Variants in VPS13B observed in about 807,000 individuals in gnomAD.
The protein encoded by VPS13B is intermembrane lipid transfer protein VPS13B.
VPS13B carries 285 observed loss-of-function variants against 426.4 expected under a neutral mutation model. The ratio of observed to expected loss-of-function variants is 0.67; its 90% CI spans 0.61 to 0.74. VPS13B has a LOEUF of 0.74. Ranked by LOEUF, VPS13B falls within the 30% of genes least tolerant of loss-of-function variation. The probability of loss-of-function intolerance (pLI) is 0.00; values close to 1 mark genes in which losing one functional copy is unlikely to be tolerated. For synonymous variants in VPS13B, 1,676 were observed against 1,676.4 expected, an observed-to-expected ratio of 1.00 and a Z score of 0.01; for missense variants, 4,537 against 4,782.6, an observed-to-expected ratio of 0.95 and a Z score of 1.51.
intron 16 of VPS13B, among the ~76,000 whole-genome samples, chr8:99,187,654 T>C (rs1344332820): frequency 6.6e-6 from 1 of 152,122 alleles, no homozygotes; most frequent in Non-Finnish European, 1.5e-5. Context: ...GTGTATTTGA[T>C]TGATCTTACA....
intron 3 of VPS13B, among the ~76,000 whole-genome samples, chr8:99,091,147 A>C (rs1563534421): frequency 6.6e-6 from 1 of 152,132 alleles, no homozygotes; most frequent in East Asian, 1.9e-4. Flanking sequence ...GTGGGTGAAA[A>C]GAAGGCAGAG....
At chr8:99,607,719 G>C (rs982975303) in intron 33 of VPS13B, among the ~76,000 whole-genome samples, 1 of 151,904 alleles carries the variant, frequency 6.6e-6, no homozygotes, top group African/African-American at 2.4e-5. Context: ...TTATTTATGT[G>C]GGTTGGCTAT....
chr8:99,123,895 T>G (rs1432794364), intron 8 of VPS13B, among the ~76,000 whole-genome samples: 2 of 152,212 alleles, frequency 1.3e-5, no homozygotes, highest in African/African-American at 4.8e-5. Flanking sequence ...TTAAGATGCC[T>G]GCTGTATATT....
chr8:99,379,364 G>A (rs1813670834), intron 19 of VPS13B, among the ~76,000 whole-genome samples: 1 of 152,084 alleles, frequency 6.6e-6, no homozygotes, highest in Non-Finnish European at 1.5e-5. Context: ...GGATGGGCGG[G>A]GGGGCAACAG....
At chr8:99,848,622 C>CA (rs1404236762) in intron 54 of VPS13B, among the ~76,000 whole-genome samples, 154 bp from the exon 55 acceptor site, 1 of 151,808 alleles carries the variant, frequency 6.6e-6, no homozygotes, top group Non-Finnish European at 1.5e-5. Context: ...TTTTTCATTT[C>CA]AAGTCAACTG....
chr8:99,270,174 C>T (rs1376733591), intron 17 of VPS13B, among the ~76,000 whole-genome samples: 5 of 34,064 alleles, frequency 1.5e-4, no homozygotes, highest in East Asian at 9.3e-4. Context: ...GAGTCTTGCT[C>T]GTTGCCCAGA....
intron 56 of VPS13B, 50 bp from the exon 57 acceptor site, chr8:99,859,254 A>C (rs1294698361): frequency 6.2e-7 from 1 of 1,610,092 alleles, no homozygotes; most frequent in Non-Finnish European, 8.5e-7. Flanking sequence ...CAAATGTTGA[A>C]AGTTCTGCAT....
intron 35 of VPS13B, chr8:99,696,583 A>G (rs1361466553): frequency 1.8e-6 from 1 of 566,798 alleles, no homozygotes; most frequent in African/African-American, 1.9e-5. Flanking sequence ...TCCACGTTTG[A>G]GACCCAGTCC....
intron 39 of VPS13B, among the ~76,000 whole-genome samples, chr8:99,729,993 A>G (rs117810048): frequency 0.033 from 4,996 of 152,320 alleles, 119 homozygotes; most frequent in Non-Finnish European, 0.048. Flanking sequence ...AATCCTTCTG[A>G]GAGTTATTTG....
At chr8:99,085,751 T>A (rs534498518) in intron 3 of VPS13B, among the ~76,000 whole-genome samples, 1 of 152,308 alleles carries the variant, frequency 6.6e-6, no homozygotes, top group African/African-American at 2.4e-5. Context: ...TGAAAATTAT[T>A]TTCTTTAAGA....
intron 19 of VPS13B, among the ~76,000 whole-genome samples, chr8:99,373,384 ATTATCT>A (rs772369571): frequency 8.2e-5 from 11 of 133,798 alleles, no homozygotes; most frequent in Admixed American, 2.1e-4. Flanking sequence ...GCTGTCTATA[ATTATCT>A]TTATTATTTT....
At chr8:99,038,767 A>ACCT (rs1842851891) in intron 3 of VPS13B, among the ~76,000 whole-genome samples, 1 of 138,714 alleles carries the variant, frequency 7.2e-6, no homozygotes, top group Non-Finnish European at 1.5e-5. Flanking sequence ...GCTCACTGCA[A>ACCT]CCTCCTCCTC....
intron 19 of VPS13B, among the ~76,000 whole-genome samples, chr8:99,277,941 G>T (rs567641809): frequency 6.6e-5 from 10 of 152,166 alleles, no homozygotes; most frequent in Non-Finnish European, 1.5e-4. Context: ...TGAAGTTGAA[G>T]TATCTAATGG....
chr8:99,686,943 A>T (rs1831434691), intron 35 of VPS13B, among the ~76,000 whole-genome samples: 1 of 151,948 alleles, frequency 6.6e-6, no homozygotes, highest in Non-Finnish European at 1.5e-5. Flanking sequence ...CCCTATAGCC[A>T]TCACAGCTGG....
intron 31 of VPS13B, among the ~76,000 whole-genome samples, chr8:99,562,051 C>T (rs556451364): frequency 5.3e-5 from 8 of 152,246 alleles, no homozygotes; most frequent in East Asian, 3.9e-4. Flanking sequence ...TTTGAGGGTT[C>T]GTTTCTCCAC....
chr8:99,297,335 T>C (rs1563653284), intron 19 of VPS13B, among the ~76,000 whole-genome samples: 6 of 152,198 alleles, frequency 3.9e-5, no homozygotes, highest in Non-Finnish European at 8.8e-5. Context: ...TTCTTTTTAA[T>C]GTCAACCTCT....
At chr8:99,218,972 G>C (rs1005133263) in intron 17 of VPS13B, among the ~76,000 whole-genome samples, 1 of 152,134 alleles carries the variant, frequency 6.6e-6, no homozygotes, top group South Asian at 2.1e-4. Flanking sequence ...TGACAATCTG[G>C]GTGGTGCAGG....
intron 35 of VPS13B, among the ~76,000 whole-genome samples, chr8:99,687,904 C>T (rs902368608): frequency 6.6e-6 from 1 of 151,906 alleles, no homozygotes; most frequent in Admixed American, 6.6e-5. Flanking sequence ...AGGCTTCTAT[C>T]CAGCTGTCTT....
Position 99,511,221 on chromosome 8 carries a change from A to T in VPS13B, c.4342A>T (p.Ser1448Cys). The T allele has an allele frequency of 6.2e-7, 1 of 1,614,108 alleles. No homozygotes were observed. Among genetic ancestry groups the T allele is most frequent in the Non-Finnish European group, 8.5e-7 (1 of 1,179,998 alleles). The change falls in exon 29 of 62, where the codon AGT becomes TGT. Residue 1448 changes from serine (S) to cysteine (C), a missense_variant. By Grantham distance (112) the Ser-to-Cys change is moderately radical. Around this residue, in one of 2 missense-constraint regions of VPS13B, gnomAD observed 4,311 missense variants for 4,474.3 expected, o/e 0.96. Coordinates refer to ENST00000357162, the MANE Select transcript of VPS13B (RefSeq NM_152564.5). ...GTTAACATCAAGAAATGAGCGAAGAAGTTTTCATAAGTTATCTGAAGGCCT... is the reference window on the plus strand; with the variant it reads ...GTTAACATCAAGAAATGAGCGAAGATGTTTTCATAAGTTATCTGAAGGCCT... ...HKLTSRNERR[S>C]FHKLSEGLMD... is the part of the protein sequence containing the mutation.
Sources: allele counts gnomAD v4.1 joint callset (sites outside exome capture counted in the v4.1 genomes callset), GRCh38; gene constraint gnomAD v4.1.1; regional missense constraint gnomAD v4.1.1; transcripts MANE v1.5; gene names NCBI Gene and HGNC (gene_info 2026-07-23, HGNC 2026-07-21).